DTNA: variants seen among roughly 807,000 people sequenced by gnomAD.
The protein encoded by DTNA is dystrobrevin alpha, also known as dystrophin-related protein 3.
A neutral mutation model predicts 100.7 loss-of-function variants in DTNA; 43 were observed. That is an observed-to-expected ratio of 0.43 (90% CI 0.33 to 0.55). The LOEUF (loss-of-function observed/expected upper bound fraction) is 0.55, where lower values mean the gene tolerates loss of function less well. Ranked by LOEUF, DTNA falls within the 20% of genes least tolerant of loss-of-function variation. DTNA has a pLI of 0.04. For synonymous variants in DTNA, 349 were observed against 347.9 expected (o/e 1.00, Z -0.04); for missense variants, 798 against 953.9 (o/e 0.84, Z 2.15).
intron 1 of DTNA, among the ~76,000 whole-genome samples, chr18:34,645,920 C>T (rs1327376028): frequency 2.6e-5 from 4 of 152,094 alleles, no homozygotes; most frequent in African/African-American, 9.7e-5. Flanking sequence ...ACCTATTCTC[C>T]TAATCTAATC....
chr18:34,734,044 TGAAGAA>T (rs2088965219), intron 1 of DTNA, among the ~76,000 whole-genome samples: 1 of 152,160 alleles, frequency 6.6e-6, no homozygotes, highest in African/African-American at 2.4e-5. Context: ...TTATATAAAT[TGAAGAA>T]CTCAAGCAGT....
chr18:34,831,741 C>T (rs202092930), intron 11 of DTNA, among the ~76,000 whole-genome samples: 3 of 152,206 alleles, frequency 2.0e-5, no homozygotes, highest in African/African-American at 4.8e-5. Context: ...GCACTCCAGC[C>T]GGGACAACAA....
At chr18:34,879,860 G>A in intron 20 of DTNA, 141 bp downstream of exon 20, 5 of 1,072,492 alleles carry the variant, frequency 4.7e-6, no homozygotes, top group South Asian at 4.4e-5. Context: ...CAGAGATATA[G>A]AAGGGTGCTA....
chr18:34,793,928 C>T, intron 3 of DTNA, 109 bp from the exon 4 acceptor site: 1 of 1,128,216 alleles, frequency 8.9e-7, no homozygotes. Flanking sequence ...CCTGCAACAG[C>T]TGCACACATG....
At chr18:34,534,892 T>C (rs1314484633) in intron 1 of DTNA, among the ~76,000 whole-genome samples, 2 of 152,206 alleles carry the variant, frequency 1.3e-5, no homozygotes, top group East Asian at 1.9e-4. Context: ...CAGTCTATCA[T>C]TGATGGGCAT....
intron 1 of DTNA, among the ~76,000 whole-genome samples, chr18:34,638,729 A>G (rs916061198): frequency 6.6e-6 from 1 of 152,236 alleles, no homozygotes; most frequent in African/African-American, 2.4e-5. Context: ...CCCACAATGA[A>G]AGCAATATTC....
chr18:34,788,783 C>T (rs921681995), intron 3 of DTNA, among the ~76,000 whole-genome samples: 31 of 152,160 alleles, frequency 2.0e-4, no homozygotes, highest in African/African-American at 6.5e-4. Flanking sequence ...CCACATAATA[C>T]GTCATCAAGA....
intron 1 of DTNA, among the ~76,000 whole-genome samples, chr18:34,497,853 A>C (rs2039426304): frequency 1.3e-5 from 2 of 152,358 alleles, no homozygotes; most frequent in Admixed American, 1.3e-4. Context: ...TTTTAATTCA[A>C]AAATGGTAAA....
At chr18:34,869,957 C>T (rs1225531745) in intron 17 of DTNA, among the ~76,000 whole-genome samples, 1 of 152,116 alleles carries the variant, frequency 6.6e-6, no homozygotes, top group Admixed American at 6.5e-5. Context: ...GGAGGCGGAG[C>T]TTGCAGTGAG....
rs969376454 is a variant in DTNA, at chr18:34,733,003, G to A, written c.-2+22558G>A. The stretch of plus-strand genomic sequence containing the variant: ...CCTCCATAAGTCCCTATTTTAACTG[G>A]AGGACCACAGTGACGTTTTGGGTCC... On this transcript the variant is annotated intron_variant, in intron 1 of 22. Transcript: ENST00000444659. 3.7e-4 allele frequency among the ~76,000 whole-genome samples: 57 copies of A among 152,228 alleles called. 1 individual carries two copies. The highest frequency in any genetic ancestry group is 1.3e-3 in the African/African-American group (52 of 41,544).
At chr18:34,629,505 G>A (rs2057789931) in intron 1 of DTNA, among the ~76,000 whole-genome samples, 1 of 152,128 alleles carries the variant, frequency 6.6e-6, no homozygotes, top group Admixed American at 6.5e-5. Context: ...AAGATATCTA[G>A]AAGTGGTCCC....
intron 1 of DTNA, among the ~76,000 whole-genome samples, chr18:34,744,343 A>G (rs2091222065): frequency 6.6e-6 from 1 of 152,298 alleles, no homozygotes; most frequent in Non-Finnish European, 1.5e-5. Flanking sequence ...CTGAGTATAC[A>G]GTGATATAAA....
intron 6 of DTNA, among the ~76,000 whole-genome samples, chr18:34,815,244 T>G (rs532168110): frequency 3.9e-4 from 60 of 152,290 alleles, no homozygotes; most frequent in Admixed American, 6.5e-4. Context: ...TAATATAGCT[T>G]TCTTACTTTT....
intron 3 of DTNA, among the ~76,000 whole-genome samples, chr18:34,767,202 T>G (rs7238725): frequency 0.92 from 139,975 of 152,188 alleles, 65,493 homozygotes; most frequent in East Asian, 1. Context: ...ACTGGCATGG[T>G]AATTAGACTC....
chr18:34,730,740 T>C (rs982676276), intron 1 of DTNA, among the ~76,000 whole-genome samples: 1 of 152,188 alleles, frequency 6.6e-6, no homozygotes, highest in Admixed American at 6.5e-5. Flanking sequence ...TAACCTGTTA[T>C]TCCTCTCACC....
At chr18:34,562,916 C>T (rs763028497) in intron 1 of DTNA, among the ~76,000 whole-genome samples, 32 of 152,108 alleles carry the variant, frequency 2.1e-4, no homozygotes, top group Non-Finnish European at 3.7e-4. Flanking sequence ...CAGGGAAAAA[C>T]GATGTAATGA....
At chr18:34,598,997 A>G (rs949850176) in intron 1 of DTNA, among the ~76,000 whole-genome samples, 1 of 152,264 alleles carries the variant, frequency 6.6e-6, no homozygotes, top group Non-Finnish European at 1.5e-5. Flanking sequence ...AAGAGGAAAT[A>G]TAACTTATTA....
intron 1 of DTNA, among the ~76,000 whole-genome samples, chr18:34,719,299 G>A (rs1039151136): frequency 6.6e-6 from 1 of 151,944 alleles, no homozygotes; most frequent in South Asian, 2.1e-4. Context: ...ACCCCAGATC[G>A]CACCACTGCA....
Position 34,602,511 on chromosome 18 carries a change from T to TA in DTNA, c.-2+108998dup, listed in dbSNP as rs534962682. ...GACTATGGAACTTTATAATTATAGA[T>TA]AGATACATAGATAGATAGAGATATA... On this transcript the variant is annotated intron_variant, in intron 1 of 19. Coordinates refer to the DTNA transcript ENST00000283365. Among the ~76,000 whole-genome samples, 640 of 152,232 alleles carry TA rather than the reference T, an allele frequency of 4.2e-3. 5 individuals carry two copies. The highest frequency in any genetic ancestry group is 6.1e-3 in the Non-Finnish European group (418 of 68,030).
Sources: gnomAD v4.1 joint callset for allele counts (sites outside exome capture counted in the v4.1 genomes callset) on GRCh38, gnomAD v4.1.1 for gene constraint, MANE v1.5 for transcripts, NCBI Gene and HGNC (gene_info 2026-07-23, HGNC 2026-07-21) for gene names.